Variants in ADRA1B observed in about 807,000 individuals in gnomAD.
ADRA1B encodes the protein adrenoceptor alpha 1B, also known as alpha-1B adrenergic receptor.
A neutral mutation model predicts 17.9 loss-of-function variants in ADRA1B; 17 were observed. The observed-to-expected ratio is 0.95, with a 90% CI of 0.65 to 1.42. The LOEUF is 1.42. Among genes scored for constraint, ADRA1B ranks in the 40% most tolerant of loss-of-function variants. The pLI is 0.00. For synonymous variants in ADRA1B, 366 were observed against 327.6 expected (o/e 1.12, Z -1.27); for missense variants, 681 against 722.1 (o/e 0.94, Z 0.65).
intron 1 of ADRA1B, among the ~76,000 whole-genome samples, chr5:159,897,584 T>C (rs1017354418): frequency 3.9e-5 from 6 of 152,154 alleles, no homozygotes; most frequent in Admixed American, 2.0e-4. Context: ...TTTCCTCCAA[T>C]GGCTTTCCAA....
At chr5:159,877,257 T>C (rs78751077) in intron 1 of ADRA1B, among the ~76,000 whole-genome samples, 3,091 of 152,224 alleles carry the variant, frequency 0.02, 90 homozygotes, top group African/African-American at 0.07. Flanking sequence ...TAAACCACTC[T>C]GCTAAGCTAG....
upstream of ADRA1B, among the ~76,000 whole-genome samples, chr5:159,912,724 CGTCA>C (rs1429957651): frequency 7.2e-5 from 11 of 152,372 alleles, no homozygotes; most frequent in Non-Finnish European, 1.5e-4. Flanking sequence ...CCTCTCTGAA[CGTCA>C]GTTTCCTCAT....
chr5:159,919,000 C>A (rs1754405046), intron 1 of ADRA1B, among the ~76,000 whole-genome samples: 1 of 152,072 alleles, frequency 6.6e-6, no homozygotes, highest in South Asian at 2.1e-4. Flanking sequence ...CAGGTCAGAC[C>A]CAAATATAAC....
intron 1 of ADRA1B, among the ~76,000 whole-genome samples, chr5:159,959,173 A>G (rs1164338512): frequency 6.6e-6 from 1 of 152,230 alleles, no homozygotes; most frequent in Non-Finnish European, 1.5e-5. Flanking sequence ...CCCGTGTACT[A>G]TGGACTCTCT....
rs1754322197 is a variant in ADRA1B, at chr5:159,916,798, C to T, written c.-108C>T. 7 of 1,155,900 alleles carry T rather than the reference C, an allele frequency of 6.1e-6. No homozygotes were observed. The highest frequency in any genetic ancestry group is 8.5e-6 in the Non-Finnish European group (7 of 824,560). 71.6% of individuals were successfully genotyped at this position (1,155,900 alleles called of 1,614,324 possible). On this transcript the variant is annotated 5_prime_UTR_variant, in exon 1 of 2. Coordinates refer to ENST00000306675, the MANE Select transcript of ADRA1B (RefSeq NM_000679.4). Reference sequence around the variant, plus strand: ...ATGACTCCTCGCCAGGAGGGCGCCTCTGGGAAGAAGACCACGGGGGAAGCA... The same window carrying T: ...ATGACTCCTCGCCAGGAGGGCGCCTTTGGGAAGAAGACCACGGGGGAAGCA...
chr5:159,918,201 TC>T (rs1323324519), intron 1 of ADRA1B, among the ~76,000 whole-genome samples: 2 of 152,306 alleles, frequency 1.3e-5, no homozygotes, highest in Middle Eastern at 3.4e-3. Flanking sequence ...TAATGATGTG[TC>T]GGCTAAGGCA....
At chr5:159,921,625 A>C (rs1171723592) in intron 1 of ADRA1B, among the ~76,000 whole-genome samples, 1 of 152,202 alleles carries the variant, frequency 6.6e-6, no homozygotes, top group Non-Finnish European at 1.5e-5. Flanking sequence ...CCTTGCTCCA[A>C]ATCTTTCTTC....
At position 159,875,807 on chromosome 5, in the gene ADRA1B, A is replaced by G. The variant is rs546171778; in HGVS notation, c.-256+10601A>G. Reference sequence around the variant, plus strand: ...TTAAAGCAGGGAAAGGAGAAGAAAAAGGGAGGGTCAACTGAGAAGAGGTTT... The same window carrying G: ...TTAAAGCAGGGAAAGGAGAAGAAAAGGGGAGGGTCAACTGAGAAGAGGTTT... On this transcript the variant is annotated intron_variant, in intron 1 of 2. Coordinates refer to the ADRA1B transcript ENST00000641205. Among the ~76,000 whole-genome samples, 13 of 152,328 alleles carry G rather than the reference A, an allele frequency of 8.5e-5. No homozygotes were observed. In the South Asian group the frequency reaches 2.3e-3, roughly 27 times the overall value.
At chr5:159,883,028 G>T (rs561638653) in intron 1 of ADRA1B, among the ~76,000 whole-genome samples, 11 of 152,240 alleles carry the variant, frequency 7.2e-5, no homozygotes, top group African/African-American at 2.6e-4. Context: ...CTCTTTACTG[G>T]CCACTGACAT....
upstream of ADRA1B, among the ~76,000 whole-genome samples, chr5:159,915,661 T>C (rs1003365618): frequency 6.6e-6 from 1 of 152,096 alleles, no homozygotes; most frequent in African/African-American, 2.4e-5. Context: ...TCAATTCCCT[T>C]CATGTTTCCT....
intron 1 of ADRA1B, among the ~76,000 whole-genome samples, chr5:159,909,079 G>T (rs1050646848): frequency 3.9e-5 from 6 of 152,122 alleles, no homozygotes; most frequent in Non-Finnish European, 8.8e-5. Context: ...TTTTGGTTTG[G>T]TGTCCAGTAA....
intron 1 of ADRA1B, among the ~76,000 whole-genome samples, chr5:159,901,855 T>C (rs922182562): frequency 2.0e-5 from 3 of 152,212 alleles, no homozygotes; most frequent in African/African-American, 7.2e-5. Flanking sequence ...ATAACAATTG[T>C]TAGTGAGGTT....
chr5:159,967,791 G>T (rs1755802418), intron 1 of ADRA1B, among the ~76,000 whole-genome samples: 1 of 152,142 alleles, frequency 6.6e-6, no homozygotes, highest in African/African-American at 2.4e-5. Context: ...ATGCCCATGA[G>T]AAAAGTTGGC....
At chr5:159,906,606 G>A (rs952368826) in intron 1 of ADRA1B, among the ~76,000 whole-genome samples, 2 of 152,154 alleles carry the variant, frequency 1.3e-5, no homozygotes, top group African/African-American at 4.8e-5. Context: ...TGTAAAGTTT[G>A]AGCATAGCTG....
At chr5:159,877,919 A>G (rs1731885035) in intron 1 of ADRA1B, among the ~76,000 whole-genome samples, 1 of 152,144 alleles carries the variant, frequency 6.6e-6, no homozygotes, top group South Asian at 2.1e-4. Flanking sequence ...AATGCTCTTG[A>G]AATCCACTTC....
At chr5:159,939,286 T>A (rs1426111694) in intron 1 of ADRA1B, among the ~76,000 whole-genome samples, 31,672 of 115,036 alleles carry the variant, frequency 0.28, 3,841 homozygotes, top group African/African-American at 0.34. Flanking sequence ...AGAGTGTGTG[T>A]GTGTGTGTGT....
At chr5:159,968,130 G>C (rs1395675236) in intron 1 of ADRA1B, among the ~76,000 whole-genome samples, 1 of 152,100 alleles carries the variant, frequency 6.6e-6, no homozygotes, top group African/African-American at 2.4e-5. Flanking sequence ...TGGAACGGAT[G>C]AATGAACGAA....
chr5:159,884,153 C>T (rs537915539), intron 1 of ADRA1B, among the ~76,000 whole-genome samples: 1 of 152,180 alleles, frequency 6.6e-6, no homozygotes, highest in South Asian at 2.1e-4. Flanking sequence ...TTAAGCTATG[C>T]TTCAGGATTG....
intron 1 of ADRA1B, among the ~76,000 whole-genome samples, chr5:159,872,488 CTAT>C (rs1470435620): frequency 6.6e-6 from 1 of 152,148 alleles, no homozygotes; most frequent in Non-Finnish European, 1.5e-5. Flanking sequence ...GACCAGCAAA[CTAT>C]TATTATCCCC....
Sources: allele counts gnomAD v4.1 joint callset (sites outside exome capture counted in the v4.1 genomes callset), GRCh38; gene constraint gnomAD v4.1.1; transcripts MANE v1.5; gene names NCBI Gene and HGNC (gene_info 2026-07-23, HGNC 2026-07-21).